TAPT1: variants seen among roughly 807,000 people sequenced by gnomAD.
TAPT1 encodes transmembrane anterior posterior transformation protein 1 homolog.
Under a neutral mutation model 65.6 loss-of-function variants are expected in TAPT1, and 28 were observed. The ratio of observed to expected loss-of-function variants is 0.43; its 90% CI spans 0.32 to 0.59. The LOEUF (loss-of-function observed/expected upper bound fraction) is 0.59. Among genes scored for constraint, TAPT1 ranks in the 20% least tolerant of loss-of-function variants. TAPT1 has a pLI of 0.09. For missense variants in TAPT1, 563 were observed against 679.9 expected (o/e 0.83, Z 1.91); for synonymous variants, 278 against 245.2 (o/e 1.13, Z -1.25).
chr4:16,168,453 C>T (rs889820142), intron 12 of TAPT1, among the ~76,000 whole-genome samples: 1 of 152,188 alleles, frequency 6.6e-6, no homozygotes, highest in Admixed American at 6.5e-5. Flanking sequence ...GCCCTCCTCC[C>T]CCATGGCTGC....
chr4:16,224,062 A>C (rs961450), intron 1 of TAPT1, among the ~76,000 whole-genome samples: 4 of 152,114 alleles, frequency 2.6e-5, no homozygotes, highest in Non-Finnish European at 4.4e-5. Flanking sequence ...CAGTGGTGCT[A>C]GACTCTCAGA....
rs773594872 is a variant in TAPT1, at chr4:16,188,290, T to C, written c.678A>G (p.Thr226=). 2.5e-6 allele frequency: 4 copies of C among 1,612,818 alleles called. No homozygotes were observed. Among genetic ancestry groups the C allele is most frequent in the South Asian group, 2.2e-5 (2 of 90,910 alleles). Residue 226 remains threonine (T), a synonymous_variant, in exon 5 of 14, where the codon ACA becomes ACG. Transcript: ENST00000405303. ...DILDALYWTA[T]EPKERKRAHI... is the part of the protein sequence containing the mutation. ...GGGCTCTTTTTCTTTCTTTAGGCTC[T>C]GTTGCTGTCCAATAGAGAGCATCTA...
intron 11 of TAPT1, among the ~76,000 whole-genome samples, chr4:16,170,987 C>T (rs1433628178): frequency 6.6e-6 from 1 of 152,164 alleles, no homozygotes; most frequent in Non-Finnish European, 1.5e-5. Context: ...CAGTTTGACT[C>T]CTGTGGACTC....
At chr4:16,225,666 C>T (rs183601167) in intron 1 of TAPT1, among the ~76,000 whole-genome samples, 1 of 152,222 alleles carries the variant, frequency 6.6e-6, no homozygotes, top group East Asian at 1.9e-4. Flanking sequence ...ATTTTCTCAT[C>T]TAGTAATTTT....
intron 10 of TAPT1, 115 bp from the exon 11 acceptor site, chr4:16,174,387 A>T (rs1029593388): frequency 1.1e-6 from 1 of 895,840 alleles, no homozygotes; most frequent in African/African-American, 1.7e-5. Flanking sequence ...TGGAGCAAGA[A>T]CAGAACCTGG....
intron 7 of TAPT1, among the ~76,000 whole-genome samples, chr4:16,180,453 A>C (rs1007473602): frequency 2.6e-5 from 4 of 152,128 alleles, no homozygotes; most frequent in Non-Finnish European, 4.4e-5. Context: ...ACTAGAAACA[A>C]TCACTCATAT....
chr4:16,171,724 T>C (rs900463039), intron 11 of TAPT1, among the ~76,000 whole-genome samples: 4 of 152,170 alleles, frequency 2.6e-5, no homozygotes, highest in African/African-American at 7.2e-5. Flanking sequence ...GTCTACTGTA[T>C]AGGCAATTGT....
chr4:16,184,435 C>A (rs914665585), intron 7 of TAPT1, among the ~76,000 whole-genome samples: 1 of 152,096 alleles, frequency 6.6e-6, no homozygotes, highest in African/African-American at 2.4e-5. Flanking sequence ...TGGGTTGTTT[C>A]CAGTTTTTGG....
intron 11 of TAPT1, 99 bp from the exon 12 acceptor site, chr4:16,170,828 T>C: frequency 1.1e-6 from 1 of 910,624 alleles, no homozygotes; most frequent in Non-Finnish European, 1.7e-6. Context: ...ATGCTGACTT[T>C]AACATTTTAG....
Position 16,163,278 on chromosome 4 carries a change from C to T in TAPT1, c.*30G>A. 1 of 1,559,736 alleles carries T rather than the reference C, an allele frequency of 6.4e-7. No homozygotes were observed. The highest frequency in any genetic ancestry group is 8.8e-7 in the Non-Finnish European group (1 of 1,130,748). On this transcript the variant is annotated 3_prime_UTR_variant, in exon 14 of 14. Transcript: ENST00000405303. ...AACACAGCACTTGTTGCCCCAGGAC[C>T]CAGCTTCTTCAGCGCATGAAGCCAC...
At chr4:16,201,885 T>C (rs1750053261) in intron 3 of TAPT1, among the ~76,000 whole-genome samples, 1 of 152,146 alleles carries the variant, frequency 6.6e-6, no homozygotes, top group East Asian at 1.9e-4. Flanking sequence ...CTAATCAATG[T>C]CGGGTCGGGC....
At chr4:16,166,604 A>G (rs1458377519) in intron 13 of TAPT1, 29 bp downstream of exon 13, 1 of 1,607,014 alleles carries the variant, frequency 6.2e-7, no homozygotes, top group Non-Finnish European at 8.5e-7. Flanking sequence ...AAAATGATCC[A>G]GGGAAGTGAA....
At chr4:16,167,155 G>A (rs892533165) in intron 12 of TAPT1, among the ~76,000 whole-genome samples, 23 of 151,822 alleles carry the variant, frequency 1.5e-4, no homozygotes, top group African/African-American at 5.3e-4. Context: ...CACCACCCCC[G>A]GCTATTTTTG....
intron 1 of TAPT1, among the ~76,000 whole-genome samples, chr4:16,223,630 C>CT (rs1751383174): frequency 6.6e-6 from 1 of 152,152 alleles, no homozygotes; most frequent in Admixed American, 6.5e-5. Context: ...AACGGGAGTT[C>CT]TGAGAACGAA....
chr4:16,191,474 C>A lies in TAPT1; in HGVS notation c.499G>T (p.Val167Phe). 6.4e-7 allele frequency: 1 copy of A among 1,569,596 alleles called. No homozygotes were observed. The highest frequency in any genetic ancestry group is 8.6e-7 in the Non-Finnish European group (1 of 1,156,634). ...ATAAAATAGCAGATTACCAAAATGA[C>A]ACCCTTCAAAATGTCACACACCTGG... ...PAQVCDILKG[V>F]ILVICYFMMH... Residue 167 changes from valine (V) to phenylalanine (F), a missense_variant, in exon 4 of 14, where the codon GTC becomes TTC. By Grantham distance (50) the Val-to-Phe change is conservative. Transcript: ENST00000405303.
intron 8 of TAPT1, 94 bp from the exon 9 acceptor site, chr4:16,176,322 A>T (rs1200052268): frequency 1.6e-6 from 1 of 619,576 alleles, no homozygotes; most frequent in South Asian, 2.2e-5. Flanking sequence ...TCTAGAACAA[A>T]ACTGTAGTAT....
At chr4:16,167,458 A>C (rs1747717330) in intron 12 of TAPT1, among the ~76,000 whole-genome samples, 1 of 152,242 alleles carries the variant, frequency 6.6e-6, no homozygotes, top group Non-Finnish European at 1.5e-5. Flanking sequence ...AATCACTGTG[A>C]CATTTAGTAT....
At chr4:16,226,102 G>A (rs913727503) in intron 1 of TAPT1, 157 bp downstream of exon 1, 6 of 1,025,092 alleles carry the variant, frequency 5.9e-6, no homozygotes, top group Middle Eastern at 4.7e-4. Flanking sequence ...GCGGAGCCTC[G>A]GCAGCCTCGG....
chr4:16,166,226 G>C (rs575814779), intron 13 of TAPT1, among the ~76,000 whole-genome samples: 27 of 152,318 alleles, frequency 1.8e-4, no homozygotes, highest in East Asian at 7.7e-4. Context: ...CCTCACACTT[G>C]GGGGAGGGCC....
Sources: gnomAD v4.1 joint callset for allele counts (sites outside exome capture counted in the v4.1 genomes callset) on GRCh38, gnomAD v4.1.1 for gene constraint, MANE v1.5 for transcripts, NCBI Gene and HGNC (gene_info 2026-07-23, HGNC 2026-07-21) for gene names.